The following ZNF469 variants were observed in gnomAD, a reference collection of about 807,000 sequenced individuals.
ZNF469 encodes zinc finger protein 469.
In ZNF469, 1 loss-of-function variant was observed where a neutral mutation model predicts 1.0. The observed-to-expected ratio is 1.00, with a 90% CI of 0.35 to 4.73. The LOEUF is 4.73. Among genes scored for constraint, ZNF469 ranks in the 30% most tolerant of loss-of-function variants. ZNF469 has a pLI of 0.16. For synonymous variants in ZNF469, 2,703 were observed against 2,363.4 expected (o/e 1.14, Z -4.17); for missense variants, 6,100 against 5,356.3 (o/e 1.14, Z -4.33).
chr16:88,267,453 C>A, the ZNF469 span, among the ~76,000 whole-genome samples: 1 of 152,336 alleles, frequency 6.6e-6, no homozygotes, highest in Middle Eastern at 3.4e-3. Context: ...GAGGAGGGGT[C>A]CGGGGGCCAG....
chr16:88,349,249 A>G, the ZNF469 span, among the ~76,000 whole-genome samples: 2 of 152,146 alleles, frequency 1.3e-5, no homozygotes, highest in Non-Finnish European at 2.9e-5. Context: ...CTTCACAGCC[A>G]AGAGGGCTGA....
intron 1 of ZNF469, among the ~76,000 whole-genome samples, chr16:88,411,207 C>T (rs999000666): frequency 1.3e-5 from 2 of 152,214 alleles, no homozygotes; most frequent in Non-Finnish European, 2.9e-5. Context: ...ACCCTCCACC[C>T]AACCTCAGCA....
At chr16:88,179,431 G>C in the ZNF469 span, among the ~76,000 whole-genome samples, 1 of 152,196 alleles carries the variant, frequency 6.6e-6, no homozygotes, top group Non-Finnish European at 1.5e-5. Context: ...AGGAGCAGCC[G>C]GAGGCCCCAC....
rs1386406339 is a variant in ZNF469 at position 88,431,807 on chromosome 16, C to T, written c.4337C>T (p.Ser1446Leu). The T allele has an allele frequency of 1.3e-6, 2 of 1,549,784 alleles. No individual in the cohort carries two copies. The highest frequency in any genetic ancestry group is 1.2e-5 in the South Asian group (1 of 84,058). The change falls in exon 3 of 3, where the codon TCG (serine) becomes TTG (leucine). Residue 1446 changes from serine (S) to leucine (L), a missense_variant. By Grantham distance (145) the Ser-to-Leu change is moderately radical (BLOSUM62 -2). Coordinates refer to ENST00000565624, the MANE Select transcript of ZNF469 (RefSeq NM_001367624.2). ...TAETEPGRAASPPTLESSSLF... is the reference protein window; with the variant it reads ...TAETEPGRAALPPTLESSSLF... ...GAGACGGAGCCAGGCAGGGCTGCAT[C>T]GCCACCGACCTTGGAGTCCTCATCC...
In ZNF469 at chr16:88,434,247, G is replaced by A. The variant is rs76442115; in HGVS notation, c.6777G>A (p.Glu2259=). The change falls in exon 3 of 3, where the codon GAG becomes GAA. Residue 2259 remains glutamate, a synonymous_variant. Transcript: ENST00000565624. ...GAATTCCAGAGGATTCCAGAAAAGA[G>A]AAGCTGTGGGAGTCTCCTGGCCGAG... The part of the protein sequence containing the change: ...TLRIPEDSRK[E]KLWESPGRAT... The A allele has an allele frequency of 3.6e-3, 5,582 of 1,550,326 alleles. 170 individuals are homozygous for A. In the African/African-American group the frequency reaches 0.064, roughly 18 times the overall value.
At chr16:88,327,732 C>G in the ZNF469 span, among the ~76,000 whole-genome samples, 3 of 152,330 alleles carry the variant, frequency 2.0e-5, no homozygotes, top group South Asian at 4.2e-4. Flanking sequence ...GACAGGGCAG[C>G]CTGGGCTCCA....
the ZNF469 span, among the ~76,000 whole-genome samples, chr16:88,335,029 A>C: frequency 6.6e-6 from 1 of 152,148 alleles, no homozygotes; most frequent in Non-Finnish European, 1.5e-5. Context: ...GGAGACGGAC[A>C]GGGGAGCCAT....
At chr16:88,417,169 C>G (rs370879701) in intron 1 of ZNF469, among the ~76,000 whole-genome samples, 8 of 151,892 alleles carry the variant, frequency 5.3e-5, no homozygotes, top group Admixed American at 2.0e-4. Flanking sequence ...CCACCCTGCC[C>G]AGAGCGTCGC....
intron 1 of ZNF469, among the ~76,000 whole-genome samples, chr16:88,383,463 G>C (rs1436244641): frequency 6.7e-6 from 1 of 148,724 alleles, no homozygotes; most frequent in Non-Finnish European, 1.5e-5. Flanking sequence ...GGGCCCGGAC[G>C]TGCGGGGCAG....
the ZNF469 span, among the ~76,000 whole-genome samples, chr16:88,225,145 C>T: frequency 1.3e-5 from 2 of 152,270 alleles, no homozygotes; most frequent in Non-Finnish European, 2.9e-5. Context: ...TGGACTCTGC[C>T]CAACCTCCGT....
chr16:88,212,285 C>T, the ZNF469 span, among the ~76,000 whole-genome samples: 10 of 152,338 alleles, frequency 6.6e-5, no homozygotes, highest in Non-Finnish European at 1.5e-5. Context: ...TATCTCAGGT[C>T]TTCTATCTCT....
At chr16:88,284,662 TCAC>T in the ZNF469 span, among the ~76,000 whole-genome samples, 1 of 150,224 alleles carries the variant, frequency 6.7e-6, no homozygotes, top group Non-Finnish European at 1.5e-5. Context: ...AACACACAAT[TCAC>T]CACCACCAAC....
the ZNF469 span, among the ~76,000 whole-genome samples, chr16:88,186,103 C>T: frequency 2.0e-5 from 3 of 152,210 alleles, no homozygotes; most frequent in Non-Finnish European, 4.4e-5. Flanking sequence ...GGGCCGACAC[C>T]GGAGGCTGCT....
the ZNF469 span, among the ~76,000 whole-genome samples, chr16:88,220,801 C>A: frequency 6.6e-6 from 1 of 152,206 alleles, no homozygotes; most frequent in Non-Finnish European, 1.5e-5. Context: ...CACCCTTGAA[C>A]ATTCCCCCAC....
the ZNF469 span, among the ~76,000 whole-genome samples, chr16:88,340,361 C>T: frequency 6.6e-6 from 1 of 152,228 alleles, no homozygotes; most frequent in South Asian, 2.1e-4. Context: ...GTATCAAAGG[C>T]CAGTTATCAT....
the ZNF469 span, among the ~76,000 whole-genome samples, chr16:88,219,716 A>T: frequency 1.3e-5 from 2 of 152,184 alleles, no homozygotes; most frequent in Non-Finnish European, 2.9e-5. Context: ...TGAAATTCCA[A>T]CCTACTTCCC....
chr16:88,161,341 G>A, the ZNF469 span, among the ~76,000 whole-genome samples: 6 of 152,324 alleles, frequency 3.9e-5, no homozygotes, highest in African/African-American at 1.4e-4. Context: ...CGATCTATGG[G>A]GCGGAAATAT....
At chr16:88,321,356 G>A in the ZNF469 span, among the ~76,000 whole-genome samples, 5 of 152,276 alleles carry the variant, frequency 3.3e-5, no homozygotes, top group African/African-American at 1.2e-4. Flanking sequence ...CTGATTGGAT[G>A]CAGTCTTCAA....
the ZNF469 span, among the ~76,000 whole-genome samples, chr16:88,192,575 A>G: frequency 1.3e-5 from 2 of 152,272 alleles, no homozygotes; most frequent in Non-Finnish European, 2.9e-5. Context: ...AGGTCAGCAG[A>G]GCAGAGCCCG....
Sources: gnomAD v4.1 joint callset for allele counts (sites outside exome capture counted in the v4.1 genomes callset) on GRCh38, gnomAD v4.1.1 for gene constraint, MANE v1.5 for transcripts, NCBI Gene and HGNC (gene_info 2026-07-23, HGNC 2026-07-21) for gene names.